AMPH: variants seen among roughly 807,000 people sequenced by gnomAD.
AMPH encodes amphiphysin (Stiff-Mann syndrome with breast cancer 128kD autoantigen).
A neutral mutation model predicts 99.1 loss-of-function variants in AMPH; 49 were observed. That is an observed-to-expected ratio of 0.49 (90% CI 0.39 to 0.63). The LOEUF (loss-of-function observed/expected upper bound fraction) is 0.63, where lower values mean the gene tolerates loss of function less well. Among genes scored for constraint, AMPH ranks in the 20% least tolerant of loss-of-function variants. The pLI is 0.00. For synonymous variants in AMPH, 314 were observed against 317.3 expected (o/e 0.99, Z 0.11); for missense variants, 759 against 863.4 (o/e 0.88, Z 1.52).
At chr7:38,578,090 T>C (rs1266299329) in intron 1 of AMPH, among the ~76,000 whole-genome samples, 1 of 152,194 alleles carries the variant, frequency 6.6e-6, no homozygotes, top group Non-Finnish European at 1.5e-5. Flanking sequence ...CACACACTTA[T>C]AGGTGATGCC....
intron 5 of AMPH, among the ~76,000 whole-genome samples, chr7:38,486,675 G>A (rs992152684): frequency 2.0e-5 from 3 of 151,912 alleles, no homozygotes; most frequent in African/African-American, 2.4e-5. Context: ...GCAAAAAACC[G>A]CTACAAAATA....
intron 7 of AMPH, among the ~76,000 whole-genome samples, chr7:38,473,191 C>T (rs186437865): frequency 9.4e-4 from 143 of 152,122 alleles, no homozygotes; most frequent in South Asian, 4.8e-3. Flanking sequence ...GTTTAAAAAG[C>T]GATTAAGCAA....
At chr7:38,439,347 T>C (rs1786414537) in intron 11 of AMPH, among the ~76,000 whole-genome samples, 1 of 152,246 alleles carries the variant, frequency 6.6e-6, no homozygotes, top group South Asian at 2.1e-4. Flanking sequence ...GCCTTCAAAA[T>C]ATGTGGCTGG....
intron 17 of AMPH, among the ~76,000 whole-genome samples, chr7:38,400,768 C>T (rs1022798656): frequency 3.3e-5 from 5 of 152,150 alleles, no homozygotes; most frequent in African/African-American, 1.2e-4. Flanking sequence ...TAGCTCTGAC[C>T]AATGCCTGAA....
rs147305196 is a variant in AMPH at position 38,626,595 on chromosome 7, G to C, written c.69+4688C>G. Among the ~76,000 whole-genome samples the C allele has an allele frequency of 4.6e-3, 705 of 152,246 alleles. 7 individuals carry two copies. The highest frequency in any genetic ancestry group is 0.016 in the African/African-American group (678 of 41,542). On this transcript the variant is annotated intron_variant, in intron 1 of 20. Transcript: ENST00000356264. ...AAAACCTAAAACCATAAAAACCTTA[G>C]AAGAAAACCTAGGCAATACCACTCA...
intron 5 of AMPH, among the ~76,000 whole-genome samples, chr7:38,482,929 C>T (rs1269961558): frequency 1.3e-5 from 2 of 152,048 alleles, no homozygotes; most frequent in East Asian, 1.9e-4. Context: ...AATACCAACA[C>T]AGGAATCAAT....
At chr7:38,543,362 TG>T (rs913185564) in intron 1 of AMPH, among the ~76,000 whole-genome samples, 12 of 152,184 alleles carry the variant, frequency 7.9e-5, no homozygotes, top group African/African-American at 2.9e-4. Context: ...GGATTTCAAA[TG>T]GGAGCTGTAA....
chr7:38,610,271 A>G (rs1456317131), intron 1 of AMPH, among the ~76,000 whole-genome samples: 66 of 30,234 alleles, frequency 2.2e-3, no homozygotes, highest in African/African-American at 8.1e-3. Flanking sequence ...AAAGAAAGAA[A>G]GAAAGAAAGA....
In AMPH at chr7:38,597,334, C is replaced by A. The variant is rs183111685; in HGVS notation, c.69+33949G>T. Reference sequence around the variant, plus strand: ...TATTATGTTAAATAATTGCCCTCTACTGAATATTTGCCCCATAAGAGGAAC... The same window carrying A: ...TATTATGTTAAATAATTGCCCTCTAATGAATATTTGCCCCATAAGAGGAAC... On this transcript the variant is annotated intron_variant, in intron 1 of 20. Transcript: ENST00000356264. Among the ~76,000 whole-genome samples the A allele has an allele frequency of 2.9e-3, 442 of 152,074 alleles. 4 individuals carry two copies. The highest frequency in any genetic ancestry group is 0.024 in the Admixed American group (362 of 15,264).
chr7:38,575,110 G>T (rs772410737), intron 1 of AMPH, among the ~76,000 whole-genome samples: 8 of 149,064 alleles, frequency 5.4e-5, no homozygotes, highest in Non-Finnish European at 1.2e-4. Flanking sequence ...ATGGAAAAGT[G>T]TAAGTATACC....
At chr7:38,486,483 TCATTGGCAAATTCTA>T (rs1323464699) in intron 5 of AMPH, among the ~76,000 whole-genome samples, 2 of 151,972 alleles carry the variant, frequency 1.3e-5, no homozygotes, top group Non-Finnish European at 1.5e-5. Context: ...CCAGATAGCT[TCATTGGCAAATTCTA>T]CCAAACATTT....
chr7:38,438,686 T>C (rs1433217520), intron 11 of AMPH, among the ~76,000 whole-genome samples: 6 of 152,206 alleles, frequency 3.9e-5, no homozygotes, highest in Admixed American at 3.9e-4. Context: ...TTGAGATCAA[T>C]CTGTGGTTAT....
chr7:38,597,480 A>G (rs1258587512), intron 1 of AMPH, among the ~76,000 whole-genome samples: 1 of 152,226 alleles, frequency 6.6e-6, no homozygotes, highest in Non-Finnish European at 1.5e-5. Flanking sequence ...TCAAATATGA[A>G]TATTTTAATT....
chr7:38,499,431 T>A (rs1036349429), intron 3 of AMPH, among the ~76,000 whole-genome samples: 1 of 152,130 alleles, frequency 6.6e-6, no homozygotes, highest in Non-Finnish European at 1.5e-5. Flanking sequence ...TTAGAATTCA[T>A]TTAACCCAAC....
intron 1 of AMPH, among the ~76,000 whole-genome samples, chr7:38,539,977 G>C (rs185282548): frequency 1.9e-3 from 286 of 152,344 alleles, no homozygotes; most frequent in Non-Finnish European, 3.4e-3. Flanking sequence ...GTATTTGACA[G>C]TGAGCTGATA....
intron 1 of AMPH, among the ~76,000 whole-genome samples, chr7:38,613,049 T>A (rs13437921): frequency 0.08 from 12,098 of 150,888 alleles, 788 homozygotes; most frequent in African/African-American, 0.17. Context: ...ACTGCAACCT[T>A]AAAAAAAAAG....
intron 1 of AMPH, among the ~76,000 whole-genome samples, chr7:38,580,150 AC>A (rs1416623066): frequency 6.6e-6 from 1 of 152,180 alleles, no homozygotes; most frequent in Non-Finnish European, 1.5e-5. Flanking sequence ...TAATTATAAG[AC>A]TTTTCTACTT....
rs140255211 is a variant in AMPH at position 38,463,083 on chromosome 7, T to C, written c.780A>G (p.Thr260=). Residue 260 remains threonine (T), a synonymous_variant, in exon 10 of 21, where the codon ACA becomes ACG. Transcript: ENST00000356264. ...SDSGPLRIAK[T]PSPPEEPSPL... ...GTGAAGGCTCCTCAGGCGGTGATGG[T>C]GTCTTTGCAATGCGGAGAGGACCCG... 1.9e-4 allele frequency: 300 copies of C among 1,612,874 alleles called. No homozygotes were observed. The highest frequency in any genetic ancestry group is 1.7e-4 in the Non-Finnish European group (197 of 1,179,376).
In AMPH at chr7:38,496,015, C is replaced by T. The variant is rs1315654091; in HGVS notation, c.206-1488G>A. On this transcript the variant is annotated intron_variant, in intron 3 of 20. Coordinates refer to ENST00000356264, the MANE Select transcript of AMPH (RefSeq NM_001635.4). ...TCCGGCAGAAGACTCTCCCCGACAG[C>T]CGGAAGGTGGGACCTGGCCACATTG... 2.0e-5 allele frequency among the ~76,000 whole-genome samples: 3 copies of T among 152,134 alleles called. No individual in the cohort carries two copies. In the East Asian group the frequency reaches 5.8e-4, roughly 29 times the overall value.
Sources: allele counts gnomAD v4.1 joint callset (sites outside exome capture counted in the v4.1 genomes callset), GRCh38; gene constraint gnomAD v4.1.1; transcripts MANE v1.5; gene names NCBI Gene and HGNC (gene_info 2026-07-23, HGNC 2026-07-21).